The following TENM1 variants were observed in gnomAD, a reference collection of about 807,000 sequenced individuals.
TENM1 encodes the protein teneurin transmembrane protein 1, also known as teneurin-1.
TENM1 carries 35 observed loss-of-function variants against 174.8 expected under a neutral mutation model. That is an observed-to-expected ratio of 0.20 (90% CI 0.15 to 0.27). The LOEUF (loss-of-function observed/expected upper bound fraction) is 0.27. TENM1 is among the 10% of genes least tolerant of loss of function. The pLI, the probability that TENM1 is intolerant of heterozygous loss-of-function variation, is 1.00. For missense variants in TENM1, 1,633 were observed against 2,130.1 expected (o/e 0.77, Z 4.59); for synonymous variants, 781 against 798.7 (o/e 0.98, Z 0.37).
At chrX:125,153,089 C>G in the TENM1 span, among the ~76,000 whole-genome samples, 1 of 111,847 alleles carries the variant, frequency 8.9e-6, no homozygotes, top group African/African-American at 3.3e-5. Context: ...TACGGACTGC[C>G]AACAAGTGTT....
At chrX:124,497,162 G>C in exon 20 of TENM1, 4 of 1,209,863 alleles carry the variant, frequency 3.3e-6, no homozygotes, top group Non-Finnish European at 3.4e-6. Context: ...CATTGCAGTT[G>C]GTGCAGGCTA....
the TENM1 span, among the ~76,000 whole-genome samples, chrX:125,047,338 T>G: frequency 1.6e-4 from 18 of 111,678 alleles, no homozygotes; most frequent in African/African-American, 5.8e-4. Flanking sequence ...GCATCCATTA[T>G]GAGTAAAACA....
At chrX:125,125,384 T>C in the TENM1 span, among the ~76,000 whole-genome samples, 1 of 112,004 alleles carries the variant, frequency 8.9e-6, no homozygotes, top group Non-Finnish European at 1.9e-5. Flanking sequence ...TCTGTGGAAG[T>C]CCAGTCCTAT....
At chrX:125,171,933 C>A in the TENM1 span, among the ~76,000 whole-genome samples, 260 of 111,341 alleles carry the variant, frequency 2.3e-3, 2 homozygotes, top group African/African-American at 8.2e-3. Flanking sequence ...TCAATTGATA[C>A]TTTTACCTAC....
chrX:124,528,695 G>T (rs1296856322), intron 16 of TENM1, among the ~76,000 whole-genome samples: 3 of 109,783 alleles, frequency 2.7e-5, no homozygotes, highest in African/African-American at 1.0e-4. Context: ...ATATATATGT[G>T]CATATATATG....
At chrX:125,062,859 T>C in the TENM1 span, among the ~76,000 whole-genome samples, 9 of 112,094 alleles carry the variant, frequency 8.0e-5, no homozygotes, top group South Asian at 3.7e-4. Context: ...GCAGGCTGAT[T>C]AAATTGACAA....
intron 11 of TENM1, among the ~76,000 whole-genome samples, chrX:124,568,989 A>G (rs937160519): frequency 1.8e-5 from 2 of 111,663 alleles, no homozygotes; most frequent in Non-Finnish European, 3.8e-5. Context: ...AGGTCACTTG[A>G]GCGCAGGAGT....
At chrX:124,662,736 A>C (rs146576941) in intron 6 of TENM1, among the ~76,000 whole-genome samples, 1 of 111,695 alleles carries the variant, frequency 9.0e-6, no homozygotes, top group African/African-American at 3.3e-5. Flanking sequence ...GGTCTGGCGC[A>C]AACTACTTCT....
the TENM1 span, among the ~76,000 whole-genome samples, chrX:125,034,260 G>A: frequency 1.1e-4 from 12 of 111,715 alleles, no homozygotes; most frequent in Non-Finnish European, 1.7e-4. Context: ...CAATCTGTTT[G>A]GTTTTGCAGA....
chrX:124,827,713 G>C (rs2056198343), intron 3 of TENM1, among the ~76,000 whole-genome samples: 1 of 111,871 alleles, frequency 8.9e-6, no homozygotes, highest in African/African-American at 3.2e-5. Context: ...TTTGAAAGAA[G>C]TGTCAATCGG....
chrX:124,958,890 G>A (rs1280924241), intron 1 of TENM1, among the ~76,000 whole-genome samples: 1 of 111,157 alleles, frequency 9.0e-6, no homozygotes, highest in African/African-American at 3.3e-5. Flanking sequence ...CAATTTTGCA[G>A]AAGAAAAAGC....
At chrX:125,086,418 CAT>C in the TENM1 span, among the ~76,000 whole-genome samples, 6 of 110,551 alleles carry the variant, frequency 5.4e-5, no homozygotes, top group Non-Finnish European at 1.1e-4. Context: ...CAGAAAAAAA[CAT>C]ATATTTTTAA....
chrX:124,385,636 A>G, intron 29 of TENM1, 41 bp downstream of exon 32: 1 of 1,138,415 alleles, frequency 8.8e-7, no homozygotes. Context: ...ATAAGAAAAT[A>G]GTGATGTTGT....
intron 5 of TENM1, among the ~76,000 whole-genome samples, chrX:124,703,900 G>A (rs1055857292): frequency 8.9e-6 from 1 of 112,110 alleles, no homozygotes; most frequent in Non-Finnish European, 1.9e-5. Context: ...AAATATAAAA[G>A]AGAGAATCAT....
the TENM1 span, among the ~76,000 whole-genome samples, chrX:125,029,018 G>A: frequency 9.0e-6 from 1 of 111,541 alleles, no homozygotes; most frequent in Admixed American, 9.5e-5. Context: ...ATATTTAGAG[G>A]AACACAGAAA....
At chrX:125,117,584 G>A in the TENM1 span, among the ~76,000 whole-genome samples, 1 of 110,990 alleles carries the variant, frequency 9.0e-6, no homozygotes, top group Non-Finnish European at 1.9e-5. Flanking sequence ...ATAGCATTAG[G>A]GGAAATACGT....
At chrX:124,716,759 C>T (rs902078294) in intron 4 of TENM1, among the ~76,000 whole-genome samples, 1 of 111,313 alleles carries the variant, frequency 9.0e-6, no homozygotes, top group South Asian at 3.8e-4. Flanking sequence ...TCCGGGTACA[C>T]GCCACTGGAA....
At chrX:125,125,652 A>G in the TENM1 span, among the ~76,000 whole-genome samples, 1 of 111,740 alleles carries the variant, frequency 8.9e-6, no homozygotes, top group African/African-American at 3.3e-5. Context: ...GAGTGCTTTA[A>G]CCTTGCCCAG....
chrX:124,900,544 A>G (rs2147597743), intron 1 of TENM1, among the ~76,000 whole-genome samples: 1 of 111,611 alleles, frequency 9.0e-6, no homozygotes, highest in East Asian at 2.8e-4. Flanking sequence ...AGTTTATTAT[A>G]CTTCAATTAT....
Sources: gnomAD v4.1 joint callset for allele counts (sites outside exome capture counted in the v4.1 genomes callset) on GRCh38, gnomAD v4.1.1 for gene constraint, MANE v1.5 for transcripts, NCBI Gene and HGNC (gene_info 2026-07-23, HGNC 2026-07-21) for gene names.